The following NKAIN3 variants were observed in gnomAD, a reference collection of about 807,000 sequenced individuals.
The protein encoded by NKAIN3 is sodium/potassium-transporting ATPase subunit beta-1-interacting protein 3.
NKAIN3 carries 25 observed loss-of-function variants against 30.2 expected under a neutral mutation model. That is an observed-to-expected ratio of 0.83 (90% CI 0.60 to 1.16). NKAIN3 has a LOEUF of 1.16. Ranked by LOEUF, NKAIN3 falls within the 50% of genes most tolerant of loss-of-function variation. The pLI is 0.00. For missense variants in NKAIN3, 225 were observed against 254.1 expected (o/e 0.89, Z 0.78); for synonymous variants, 91 against 89.6 (o/e 1.02, Z -0.09).
At chr8:62,910,022 T>C (rs1821886639) in intron 4 of NKAIN3, among the ~76,000 whole-genome samples, 1 of 152,136 alleles carries the variant, frequency 6.6e-6, no homozygotes, top group Admixed American at 6.6e-5. Context: ...TTTAAAACTG[T>C]GCATTCCTAC....
chr8:62,707,056 T>TACACAC (rs35879987), intron 3 of NKAIN3, among the ~76,000 whole-genome samples: 27 of 143,406 alleles, frequency 1.9e-4, no homozygotes, highest in South Asian at 4.4e-4. Context: ...CATACATACA[T>TACACAC]ACACACACAC....
intron 1 of NKAIN3, among the ~76,000 whole-genome samples, chr8:62,568,704 T>C (rs921062986): frequency 1.3e-5 from 2 of 152,200 alleles, no homozygotes; most frequent in African/African-American, 4.8e-5. Context: ...GCACAACATG[T>C]AGCTGTTTTC....
intron 4 of NKAIN3, among the ~76,000 whole-genome samples, chr8:62,899,319 T>A (rs1821530048): frequency 6.6e-6 from 1 of 152,156 alleles, no homozygotes; most frequent in African/African-American, 2.4e-5. Flanking sequence ...AGGCAAAATT[T>A]GGAAGCAACA....
chr8:62,289,174 T>G (rs1421439938), intron 1 of NKAIN3, among the ~76,000 whole-genome samples: 9 of 152,224 alleles, frequency 5.9e-5, no homozygotes, highest in Admixed American at 3.3e-4. Flanking sequence ...GGCAAAAATT[T>G]TCTCCCATTC....
At chr8:62,567,312 A>T (rs1809788013) in intron 1 of NKAIN3, among the ~76,000 whole-genome samples, 1 of 152,132 alleles carries the variant, frequency 6.6e-6, no homozygotes, top group Non-Finnish European at 1.5e-5. Flanking sequence ...CCGGGCTGAG[A>T]TGTGCATACA....
At chr8:62,424,940 AATT>A (rs1804761207) in intron 1 of NKAIN3, among the ~76,000 whole-genome samples, 1 of 151,902 alleles carries the variant, frequency 6.6e-6, no homozygotes, top group Non-Finnish European at 1.5e-5. Context: ...ACATACAATG[AATT>A]ATTATTCAAC....
intron 1 of NKAIN3, among the ~76,000 whole-genome samples, chr8:62,278,485 C>T (rs1481969917): frequency 2.0e-5 from 3 of 151,862 alleles, no homozygotes; most frequent in Non-Finnish European, 4.4e-5. Context: ...CCCATTAACT[C>T]GTCATTTACA....
chr8:62,981,781 T>C lies in NKAIN3; in HGVS notation c.*16374T>C, dbSNP rs1248410715. The C allele has an allele frequency of 6.8e-6, 1 of 147,602 alleles. No homozygotes were observed. Among genetic ancestry groups the C allele is most frequent in the Non-Finnish European group, 1.5e-5 (1 of 67,046 alleles). 9.1% of individuals were successfully genotyped at this position (147,602 alleles called of 1,614,324 possible). Reference sequence around the variant, plus strand: ...AAAAAAAAAAAGATCTCTATCCCAATAGATTTTATAAAATCCATACTCTAA... The same window carrying C: ...AAAAAAAAAAAGATCTCTATCCCAACAGATTTTATAAAATCCATACTCTAA... On this transcript the variant is annotated 3_prime_UTR_variant, in exon 7 of 7. Coordinates refer to ENST00000623646, the MANE Select transcript of NKAIN3 (RefSeq NM_001304533.3).
At chr8:62,825,882 C>T (rs1321515227) in intron 4 of NKAIN3, among the ~76,000 whole-genome samples, 2 of 152,128 alleles carry the variant, frequency 1.3e-5, no homozygotes, top group Non-Finnish European at 2.9e-5. Context: ...TTCAGGCAGC[C>T]CCACTAGTCA....
chr8:62,447,354 C>T (rs1175848600), intron 1 of NKAIN3, among the ~76,000 whole-genome samples: 1 of 152,018 alleles, frequency 6.6e-6, no homozygotes, highest in Admixed American at 6.5e-5. Context: ...TTTTAAACCT[C>T]TGGGATTCCA....
chr8:62,715,088 GGAGA>G (rs558334049), intron 3 of NKAIN3, among the ~76,000 whole-genome samples: 29 of 152,116 alleles, frequency 1.9e-4, no homozygotes, highest in Non-Finnish European at 3.8e-4. Flanking sequence ...TGGCAGCAGA[GGAGA>G]GAGAGAGAAG....
chr8:62,366,255 C>T (rs550829371), intron 1 of NKAIN3, among the ~76,000 whole-genome samples: 4 of 148,228 alleles, frequency 2.7e-5, no homozygotes, highest in South Asian at 2.1e-4. Flanking sequence ...GAGGTGGAGT[C>T]TCACTCTGTC....
intron 4 of NKAIN3, among the ~76,000 whole-genome samples, chr8:62,844,098 AG>A: frequency 1.3e-5 from 2 of 152,318 alleles, no homozygotes; most frequent in East Asian, 3.9e-4. Context: ...TAGTAACAGT[AG>A]TTGCCAATGC....
rs192081122 is a variant in NKAIN3, at chr8:62,461,988, C to T, written c.55-117551C>T. Among the ~76,000 whole-genome samples the T allele has an allele frequency of 1.8e-4, 28 of 152,038 alleles. No homozygotes were observed. In the East Asian group the frequency reaches 5.4e-3, roughly 29 times the overall value. ...TCACATCCAAGAAGTTCAGTGAACT[C>T]CAAGTAGGATGAATTCAAAGAAAAT... On this transcript the variant is annotated intron_variant, in intron 1 of 6. Coordinates refer to ENST00000623646, the MANE Select transcript of NKAIN3 (RefSeq NM_001304533.3).
intron 1 of NKAIN3, among the ~76,000 whole-genome samples, chr8:62,413,570 T>A (rs1804332734): frequency 6.6e-6 from 1 of 152,164 alleles, no homozygotes; most frequent in African/African-American, 2.4e-5. Context: ...TCCATTTTAA[T>A]CAAGAGCTAA....
chr8:62,522,080 G>A (rs6993486), intron 1 of NKAIN3, among the ~76,000 whole-genome samples: 135,994 of 152,138 alleles, frequency 0.89, 60,978 homozygotes, highest in Middle Eastern at 0.95. Context: ...CTAAAAAGGC[G>A]GCAGTCTAGG....
chr8:62,262,397 T>C lies in NKAIN3; in HGVS notation c.54+13270T>C, dbSNP rs540845157. ...ACCACTTCTGACAAAGCTTTCTCAC[T>C]GTCCGGATATAATCTGCTAATACCA... On this transcript the variant is annotated intron_variant, in intron 1 of 6. Transcript: ENST00000623646. Among the ~76,000 whole-genome samples, 41 of 152,314 alleles carry C rather than the reference T, an allele frequency of 2.7e-4. No homozygotes were observed. In the South Asian group the frequency reaches 8.5e-3, roughly 32 times the overall value.
At chr8:62,795,673 A>T (rs984881353) in intron 4 of NKAIN3, among the ~76,000 whole-genome samples, 11 of 152,246 alleles carry the variant, frequency 7.2e-5, no homozygotes, top group Non-Finnish European at 1.0e-4. Context: ...AAATTTAATT[A>T]GATAACATAG....
intron 3 of NKAIN3, among the ~76,000 whole-genome samples, chr8:62,606,663 A>G (rs1312077020): frequency 6.6e-6 from 1 of 152,162 alleles, no homozygotes; most frequent in Non-Finnish European, 1.5e-5. Context: ...TGACAGAATC[A>G]TTTTTAAATG....
Sources: gnomAD v4.1 joint callset for allele counts (sites outside exome capture counted in the v4.1 genomes callset) on GRCh38, gnomAD v4.1.1 for gene constraint, MANE v1.5 for transcripts, NCBI Gene and HGNC (gene_info 2026-07-23, HGNC 2026-07-21) for gene names.